Variants in KSR2 observed in about 807,000 individuals in gnomAD.
The protein encoded by KSR2 is kinase suppressor of ras 2.
A neutral mutation model predicts 107.8 loss-of-function variants in KSR2; 25 were observed. The observed-to-expected ratio is 0.23, with a 90% CI of 0.17 to 0.32. The LOEUF (loss-of-function observed/expected upper bound fraction) is 0.32. KSR2 is among the 10% of genes least tolerant of loss of function. The pLI is 1.00. For missense variants in KSR2, 887 were observed against 1,268.9 expected (o/e 0.70, Z 4.57); for synonymous variants, 480 against 507.0 (o/e 0.95, Z 0.71).
chr12:117,867,956 AT>A (rs901451826), intron 1 of KSR2, among the ~76,000 whole-genome samples: 1 of 152,186 alleles, frequency 6.6e-6, no homozygotes, highest in African/African-American at 2.4e-5. Context: ...GCAGGACCTT[AT>A]AAATTCTTTC....
intron 10 of KSR2, among the ~76,000 whole-genome samples, chr12:117,534,459 ACTCTTAGCCATCTTAGCTAAGAGCAAAGG>A (rs776076501): frequency 3.8e-4 from 57 of 151,770 alleles, no homozygotes; most frequent in African/African-American, 1.2e-3. Flanking sequence ...TTGCTCAAGG[ACTCTTAGCCATCTTAGCTAAGAGCAAAGG>A]CTCTTAGCCA....
chr12:117,859,720 GTGCTGGGATCACAGGC>G (rs1328229133), intron 2 of KSR2, among the ~76,000 whole-genome samples: 1 of 152,150 alleles, frequency 6.6e-6, no homozygotes, highest in Admixed American at 6.5e-5. Context: ...GCCTCCCAAA[GTGCTGGGATCACAGGC>G]ATGAGCCACT....
At chr12:117,686,384 T>C (rs1434318979) in intron 4 of KSR2, among the ~76,000 whole-genome samples, 1 of 151,922 alleles carries the variant, frequency 6.6e-6, no homozygotes. Context: ...TTCTTTATGA[T>C]GGGATCTGTC....
chr12:117,938,556 A>C (rs1036449506), intron 1 of KSR2, among the ~76,000 whole-genome samples: 18 of 80,382 alleles, frequency 2.2e-4, no homozygotes, highest in African/African-American at 6.3e-4. Context: ...TTAAAGTATA[A>C]TAATAATAAA....
chr12:117,776,971 G>A (rs1160699064), intron 3 of KSR2, among the ~76,000 whole-genome samples: 2 of 151,380 alleles, frequency 1.3e-5, no homozygotes, highest in African/African-American at 4.9e-5. Flanking sequence ...TTGCGACTAG[G>A]AGAGATATGT....
intron 2 of KSR2, among the ~76,000 whole-genome samples, chr12:117,856,262 G>A (rs1893099497): frequency 2.0e-5 from 3 of 152,140 alleles, no homozygotes; most frequent in Non-Finnish European, 4.4e-5. Context: ...CCAACTTAAC[G>A]TGTTGGGCAG....
At chr12:117,818,731 G>A (rs1357627084) in intron 3 of KSR2, among the ~76,000 whole-genome samples, 2 of 152,146 alleles carry the variant, frequency 1.3e-5, no homozygotes, top group African/African-American at 2.4e-5. Flanking sequence ...GCTGTCATTG[G>A]CTGCATGATT....
chr12:117,551,228 T>C (rs1480418141), intron 9 of KSR2, among the ~76,000 whole-genome samples: 1 of 152,012 alleles, frequency 6.6e-6, no homozygotes, highest in African/African-American at 2.4e-5. Context: ...CACCCCACTC[T>C]GTCTTCCTCT....
intron 3 of KSR2, among the ~76,000 whole-genome samples, chr12:117,826,116 T>A (rs577211776): frequency 3.0e-4 from 45 of 151,404 alleles, no homozygotes; most frequent in African/African-American, 9.7e-4. Flanking sequence ...GGGAGATGGA[T>A]AGAAACAGAA....
intron 3 of KSR2, among the ~76,000 whole-genome samples, chr12:117,768,815 C>G (rs1269380802): frequency 6.6e-6 from 1 of 151,872 alleles, no homozygotes; most frequent in East Asian, 1.9e-4. Context: ...GGAATTTACT[C>G]TGTCTTACAG....
At chr12:117,816,929 T>A (rs1303076803) in intron 3 of KSR2, among the ~76,000 whole-genome samples, 1 of 152,186 alleles carries the variant, frequency 6.6e-6, no homozygotes, top group Non-Finnish European at 1.5e-5. Context: ...TTGGATGGAT[T>A]CCCATGTGAT....
rs528486860 is a variant in KSR2, at chr12:117,719,305, C to T, written c.986+41706G>A. ...TACCTCCCAGGTTCAAGCAGTTCTC[C>T]TGTCTCAGCATCCTAAGTAGCTGAT... is the stretch of plus-strand genomic sequence containing the variant. On this transcript the variant is annotated intron_variant, in intron 4 of 19. Transcript: ENST00000339824. Among the ~76,000 whole-genome samples the T allele has an allele frequency of 3.3e-5, 5 of 152,264 alleles. No homozygotes were observed. In the East Asian group the frequency reaches 9.7e-4, roughly 29 times the overall value.
chr12:117,685,308 A>G (rs9971813), intron 4 of KSR2, among the ~76,000 whole-genome samples: 4,581 of 152,294 alleles, frequency 0.03, 235 homozygotes, highest in African/African-American at 0.1. Flanking sequence ...ATATTTACAC[A>G]GGCCATCATT....
intron 4 of KSR2, among the ~76,000 whole-genome samples, chr12:117,757,684 C>CA (rs1888843990): frequency 6.6e-6 from 1 of 152,196 alleles, no homozygotes; most frequent in South Asian, 2.1e-4. Flanking sequence ...CTTCCACCAG[C>CA]AAAGAGTATG....
At chr12:117,527,191 C>G in intron 12 of KSR2, 72 bp from the exon 13 acceptor site, 6 of 1,104,130 alleles carry the variant, frequency 5.4e-6, no homozygotes, top group Non-Finnish European at 8.3e-6. Context: ...TAGCTATGTA[C>G]GAAGAATCCC....
intron 1 of KSR2, among the ~76,000 whole-genome samples, chr12:117,937,170 A>C (rs555622506): frequency 2.0e-5 from 3 of 152,366 alleles, no homozygotes; most frequent in South Asian, 4.1e-4. Flanking sequence ...AGTTAATTTA[A>C]GACTGCTCTT....
chr12:117,495,663 G>A (rs950690480), intron 14 of KSR2, among the ~76,000 whole-genome samples: 2 of 152,170 alleles, frequency 1.3e-5, no homozygotes, highest in African/African-American at 2.4e-5. Context: ...CTTTGATATT[G>A]CTGCAAAGCT....
intron 4 of KSR2, among the ~76,000 whole-genome samples, chr12:117,711,117 C>T (rs550486118): frequency 2.0e-5 from 3 of 152,332 alleles, no homozygotes; most frequent in African/African-American, 7.2e-5. Context: ...ACTTATATCT[C>T]TTTGTGTAAT....
At chr12:117,558,399 G>A in intron 8 of KSR2, 107 bp downstream of exon 8, 2 of 748,870 alleles carry the variant, frequency 2.7e-6, no homozygotes, top group Non-Finnish European at 4.7e-6. Context: ...GGAAGTATGT[G>A]GGGATCAAGA....
Sources: allele counts gnomAD v4.1 joint callset (sites outside exome capture counted in the v4.1 genomes callset), GRCh38; gene constraint gnomAD v4.1.1; transcripts MANE v1.5; gene names NCBI Gene and HGNC (gene_info 2026-07-23, HGNC 2026-07-21).